Variants in NKIRAS1 observed in about 807,000 individuals in gnomAD.
NKIRAS1 encodes the protein NF-kappa-B inhibitor-interacting Ras-like protein 1.
In NKIRAS1, 16 loss-of-function variants were observed where a neutral mutation model predicts 19.8. The observed-to-expected ratio is 0.81, with a 90% CI of 0.55 to 1.23. NKIRAS1 has a LOEUF of 1.23. NKIRAS1 is among the 50% of genes most tolerant of loss of function. The pLI is 0.00. For synonymous variants in NKIRAS1, 88 were observed against 79.0 expected (o/e 1.11, Z -0.61); for missense variants, 184 against 220.0 (o/e 0.84, Z 1.04).
intron 3 of NKIRAS1, among the ~76,000 whole-genome samples, chr3:23,903,101 T>C (rs542749202): frequency 1.3e-5 from 2 of 152,178 alleles, no homozygotes; most frequent in South Asian, 2.1e-4. Context: ...GAGCTTCCAA[T>C]TGGCTTTTTA....
Position 23,902,874 on chromosome 3 carries a change from A to G in NKIRAS1, c.95-1825T>C, listed in dbSNP as rs115797092. On this transcript the variant is annotated intron_variant, in intron 3 of 4. Coordinates refer to ENST00000425478, the MANE Select transcript of NKIRAS1 (RefSeq NM_020345.4). ...GGGCAATTAAGTGACATGCCTGCGC[A>G]CACACACATACTGAATGTTGAAGTC... is the stretch of plus-strand genomic sequence containing the variant. Among the ~76,000 whole-genome samples, 1,116 of 152,312 alleles carry G rather than the reference A, an allele frequency of 7.3e-3. 10 individuals are homozygous for G. Among genetic ancestry groups the G allele is most frequent in the African/African-American group, 0.025 (1,048 of 41,552 alleles).
Position 23,927,385 on chromosome 3 carries a change from A to G in NKIRAS1, c.-139-15935T>C, listed in dbSNP as rs1056923719. ...TTCTTAGTTGAGGAAAGAAAAAAAA[A>G]CCTACTGCGAAGGTGCTATAGTTGG... is the stretch of plus-strand genomic sequence containing the variant. On this transcript the variant is annotated intron_variant, in intron 1 of 4. Transcript: ENST00000421515. The surrounding 1 kb of genome is among the most constrained non-coding windows in gnomAD (Gnocchi z 4.0). Among the ~76,000 whole-genome samples, 6 of 152,102 alleles carry G rather than the reference A, an allele frequency of 3.9e-5. No individual in the cohort carries two copies. The highest frequency in any genetic ancestry group is 1.4e-4 in the African/African-American group (6 of 41,424).
intron 4 of NKIRAS1, 23 bp downstream of exon 4, chr3:23,900,785 G>A (rs1426066062): frequency 1.0e-5 from 16 of 1,594,568 alleles, no homozygotes; most frequent in Non-Finnish European, 1.4e-5. Context: ...TTCACATTTG[G>A]CATTTTTAAC....
At position 23,927,325 on chromosome 3, in the gene NKIRAS1, G is replaced by A. The variant is rs374744746; in HGVS notation, c.-139-15875C>T. ...CCTTGAGGCCAGGAGTTCGAGACCA[G>A]TCCAGTCAACATAGTGAGGCCCCCA... On this transcript the variant is annotated intron_variant, in intron 1 of 4. Coordinates refer to the NKIRAS1 transcript ENST00000421515. The surrounding 1 kb of genome is among the most constrained non-coding windows in gnomAD (Gnocchi z 4.0). Among the ~76,000 whole-genome samples the A allele has an allele frequency of 9.2e-5, 14 of 152,124 alleles. 1 individual carries two copies. The highest frequency in any genetic ancestry group is 7.9e-4 in the Admixed American group (12 of 15,276).
chr3:23,902,115 T>A (rs576919938), intron 3 of NKIRAS1, among the ~76,000 whole-genome samples: 2 of 152,112 alleles, frequency 1.3e-5, no homozygotes, highest in African/African-American at 2.4e-5. Context: ...GAATGTGAGA[T>A]ACATCCAGAG....
At chr3:23,903,392 G>C (rs935164777) in intron 3 of NKIRAS1, among the ~76,000 whole-genome samples, 6 of 152,136 alleles carry the variant, frequency 3.9e-5, no homozygotes. Flanking sequence ...TAGGATTACA[G>C]GCATGAGCCA....
rs1464005989 is a variant in NKIRAS1 at position 23,900,859 on chromosome 3, T to A, written c.285A>T (p.Gln95His). 1 of 1,613,824 alleles carries A rather than the reference T, an allele frequency of 6.2e-7. No individual in the cohort carries two copies. Among genetic ancestry groups the A allele is most frequent in the African/African-American group, 1.3e-5 (1 of 74,930 alleles). ...TTTCTTTCTTCAGAAGCTCCACTCT[T>A]TGAAAGGATTCAAGGTTATTCACAC... ...VYSVNNLESFQRVELLKKEID... is the reference protein window; with the variant it reads ...VYSVNNLESFHRVELLKKEID... The change falls in exon 4 of 5, where the codon CAA becomes CAT. Residue 95 changes from glutamine (Q) to histidine (H), a missense_variant. Physicochemically the swap from Gln to His is conservative, Grantham distance 24. Transcript: ENST00000425478.
chr3:23,945,082 G>A (rs557650329), intron 1 of NKIRAS1, among the ~76,000 whole-genome samples: 8 of 151,720 alleles, frequency 5.3e-5, no homozygotes, highest in Non-Finnish European at 7.4e-5. Context: ...ACGGCACGGA[G>A]GGGAAAAACG....
chr3:23,919,931 C>T (rs1704979352), upstream of NKIRAS1: 5 of 989,508 alleles, frequency 5.1e-6, no homozygotes, highest in South Asian at 9.3e-5. Context: ...TTAAGTTGGG[C>T]TTTAGAAAAT....
chr3:23,937,933 G>A (rs904924965), intron 1 of NKIRAS1, among the ~76,000 whole-genome samples: 7 of 151,866 alleles, frequency 4.6e-5, no homozygotes, highest in South Asian at 2.1e-4. Flanking sequence ...CCAAATGAAC[G>A]AAAAGATATT....
chr3:23,924,143 CA>C (rs768633525), intron 1 of NKIRAS1: 1 of 152,232 alleles, frequency 6.6e-6, no homozygotes, highest in Non-Finnish European at 1.5e-5. Flanking sequence ...CCGCATCAGA[CA>C]GCATGAGTGG....
chr3:23,903,685 T>C (rs1053615644), intron 3 of NKIRAS1, among the ~76,000 whole-genome samples: 6 of 151,910 alleles, frequency 3.9e-5, no homozygotes, highest in Non-Finnish European at 7.4e-5. Context: ...TATTGAGAGA[T>C]GATAAACAGG....
intron 1 of NKIRAS1, among the ~76,000 whole-genome samples, chr3:23,941,991 A>ATTT (rs955806255): frequency 1.2e-5 from 1 of 83,742 alleles, no homozygotes; most frequent in African/African-American, 4.1e-5. Context: ...TTATTTATTT[A>ATTT]TTTTTGAGAC....
rs774330480 is a variant in NKIRAS1 at position 23,893,185 on chromosome 3, T to TA, written c.488dup (p.Leu163PhefsTer5). 6.2e-7 allele frequency: 1 copy of TA among 1,613,820 alleles called. No individual in the cohort carries two copies. On this transcript the variant is annotated frameshift_variant, in exon 5 of 5. Coordinates refer to ENST00000425478, the MANE Select transcript of NKIRAS1 (RefSeq NM_020345.4). LOFTEE classifies it high-confidence loss of function. ...GGGGTTGAGAAAGTTTACTGGCTAA[T>TA]AAAGTGAATGGTTCAATCAGAGTTT...
chr3:23,904,680 G>A (rs1702847175), intron 3 of NKIRAS1, among the ~76,000 whole-genome samples: 1 of 152,080 alleles, frequency 6.6e-6, no homozygotes, highest in Non-Finnish European at 1.5e-5. Flanking sequence ...CACAGACAAA[G>A]CATCAAGAAT....
intron 4 of NKIRAS1, among the ~76,000 whole-genome samples, chr3:23,895,886 G>A (rs113312012): frequency 6.6e-6 from 1 of 151,954 alleles, no homozygotes; most frequent in African/African-American, 2.4e-5. Flanking sequence ...CTGTAATCCC[G>A]TACTTTGGGA....
At chr3:23,915,884 A>G (rs980735759) in intron 1 of NKIRAS1, 3 of 151,860 alleles carry the variant, frequency 2.0e-5, no homozygotes, top group African/African-American at 7.3e-5. Context: ...AGCCGCTAAC[A>G]CTCCCTCATC....
intron 3 of NKIRAS1, among the ~76,000 whole-genome samples, chr3:23,905,771 AGAAAAGTACTG>A (rs1295528993): frequency 1.3e-5 from 2 of 150,768 alleles, no homozygotes; most frequent in Non-Finnish European, 3.0e-5. Context: ...TTTCAACCCC[AGAAAAGTACTG>A]GAAAATGTGC....
intron 1 of NKIRAS1, among the ~76,000 whole-genome samples, chr3:23,913,837 G>A (rs1249960926): frequency 1.3e-5 from 2 of 152,154 alleles, no homozygotes; most frequent in African/African-American, 2.4e-5. Context: ...TAGGTTTCAA[G>A]AATTTGAAAG....
Sources: gnomAD v4.1 joint callset for allele counts (sites outside exome capture counted in the v4.1 genomes callset) on GRCh38, gnomAD v4.1.1 for gene constraint, Gnocchi (gnomAD v3.1) non-coding constraint, MANE v1.5 for transcripts, NCBI Gene and HGNC (gene_info 2026-07-23, HGNC 2026-07-21) for gene names.